DHX32: variants seen among roughly 807,000 people sequenced by gnomAD.
DHX32 encodes the protein putative pre-mRNA-splicing factor ATP-dependent RNA helicase DHX32.
In DHX32, 51 loss-of-function variants were observed where a neutral mutation model predicts 70.0. The observed-to-expected ratio is 0.73, with a 90% CI of 0.58 to 0.92. The LOEUF (loss-of-function observed/expected upper bound fraction) is 0.92, where lower values mean the gene tolerates loss of function less well. Among genes scored for constraint, DHX32 ranks in the 40% least tolerant of loss-of-function variants. DHX32 has a pLI of 0.00. For synonymous variants in DHX32, 310 were observed against 315.3 expected, an observed-to-expected ratio of 0.98 and a Z score of 0.18; for missense variants, 762 against 891.8, an observed-to-expected ratio of 0.85 and a Z score of 1.85.
At chr10:125,890,268 A>G (rs1283082988) in intron 1 of DHX32, among the ~76,000 whole-genome samples, 1 of 152,292 alleles carries the variant, frequency 6.6e-6, no homozygotes, top group Admixed American at 6.5e-5. Context: ...AATACACTTT[A>G]TCTCTCAAGC....
At chr10:125,860,987 T>C (rs1212947121) in intron 2 of DHX32, among the ~76,000 whole-genome samples, 4 of 151,728 alleles carry the variant, frequency 2.6e-5, no homozygotes, top group Admixed American at 6.6e-5. Context: ...CTCCTGACCT[T>C]GTGATCCAGC....
At chr10:125,841,652 C>T in intron 7 of DHX32, 91 bp downstream of exon 7, 1 of 1,521,234 alleles carries the variant, frequency 6.6e-7, no homozygotes. Flanking sequence ...CTGCTCTGTG[C>T]TCCTCAAAAT....
intron 2 of DHX32, among the ~76,000 whole-genome samples, chr10:125,861,074 C>T (rs914400046): frequency 1.3e-5 from 2 of 152,014 alleles, no homozygotes; most frequent in African/African-American, 2.4e-5. Context: ...GTTTTTTACC[C>T]ATTTAAGGTA....
At chr10:125,851,068 G>A (rs750435372) in intron 6 of DHX32, among the ~76,000 whole-genome samples, 17 of 152,190 alleles carry the variant, frequency 1.1e-4, no homozygotes, top group Non-Finnish European at 2.2e-4. Context: ...TCCAGATCAG[G>A]GGAATTCAAT....
chr10:125,852,189 T>A, intron 6 of DHX32, 104 bp downstream of exon 6: 1 of 1,402,544 alleles, frequency 7.1e-7, no homozygotes, highest in East Asian at 2.4e-5. Flanking sequence ...GCCCCCTCCA[T>A]GCTTGTGTGC....
chr10:125,882,750 T>C (rs535451517), upstream of DHX32, among the ~76,000 whole-genome samples: 2 of 152,324 alleles, frequency 1.3e-5, no homozygotes, highest in Non-Finnish European at 2.9e-5. Flanking sequence ...ACTGCCTCTA[T>C]AAGGTGAGAG....
At chr10:125,895,670 T>G (rs1944468551) in intron 1 of DHX32, among the ~76,000 whole-genome samples, 1 of 152,300 alleles carries the variant, frequency 6.6e-6, no homozygotes, top group Admixed American at 6.5e-5. Context: ...CTACAAAGTT[T>G]GGCCACAAAA....
At chr10:125,850,058 T>G (rs908712234) in intron 6 of DHX32, among the ~76,000 whole-genome samples, 1 of 151,446 alleles carries the variant, frequency 6.6e-6, no homozygotes, top group Non-Finnish European at 1.5e-5. Context: ...CCTTGAACCC[T>G]GGACTCAAGT....
At chr10:125,847,617 TTG>T (rs1245402354) in intron 6 of DHX32, among the ~76,000 whole-genome samples, 1 of 152,146 alleles carries the variant, frequency 6.6e-6, no homozygotes, top group Non-Finnish European at 1.5e-5. Context: ...GAGAGGATGG[TTG>T]TGAGATGATT....
At chr10:125,861,877 G>A (rs996707161) in intron 2 of DHX32, among the ~76,000 whole-genome samples, 1 of 151,880 alleles carries the variant, frequency 6.6e-6, no homozygotes. Flanking sequence ...CACTGAACCC[G>A]GGGGTAGTCT....
chr10:125,843,005 A>C (rs760926254), intron 6 of DHX32, among the ~76,000 whole-genome samples: 1 of 152,170 alleles, frequency 6.6e-6, no homozygotes, highest in Admixed American at 6.5e-5. Flanking sequence ...CAAAAACCAC[A>C]ATTATTTTTG....
intron 1 of DHX32, among the ~76,000 whole-genome samples, chr10:125,867,735 C>CA (rs1255031059): frequency 0.063 from 3,503 of 55,368 alleles, 202 homozygotes; most frequent in African/African-American, 0.17. Flanking sequence ...GACTCCGTCT[C>CA]AAAAAAAAAA....
rs527719768 is a variant in DHX32, at chr10:125,842,673, G to T, written c.1352-739C>A. 9.3e-5 allele frequency: 20 copies of T among 213,926 alleles called. No individual in the cohort carries two copies. The South Asian group carries it at 3.2e-3, about 34-fold the overall frequency. 13.3% of individuals were successfully genotyped at this position (213,926 alleles called of 1,614,324 possible). A position where few individuals can be genotyped will look rare whatever the true frequency, so the allele number is the denominator to read the frequency against. ...ACAATGTCTAGCATCCAGTAGAGAGGCATGAAAAGCAGGAAAATACATTGC... is the reference window on the plus strand; with the variant it reads ...ACAATGTCTAGCATCCAGTAGAGAGTCATGAAAAGCAGGAAAATACATTGC... On this transcript the variant is annotated intron_variant, in intron 6 of 10. Transcript: ENST00000284690.
At chr10:125,843,073 G>C (rs1025310085) in intron 6 of DHX32, among the ~76,000 whole-genome samples, 4 of 151,894 alleles carry the variant, frequency 2.6e-5, no homozygotes, top group Non-Finnish European at 4.4e-5. Context: ...TCTGGTTCCT[G>C]GTATAGCAAT....
chr10:125,854,074 T>C lies in DHX32; in HGVS notation c.979A>G (p.Lys327Glu), dbSNP rs964951476. The C allele has an allele frequency of 6.2e-7, 1 of 1,614,026 alleles. No individual in the cohort carries two copies. Among genetic ancestry groups the C allele is most frequent in the Non-Finnish European group, 8.5e-7 (1 of 1,180,022 alleles). Residue 327 changes from lysine (K) to glutamate (E), a missense_variant, in exon 4 of 11, where the codon AAA becomes GAA. By Grantham distance (56) the Lys-to-Glu change is moderately conservative. This residue lies in a region of DHX32 where 394 missense variants were observed against 473.1 expected (regional missense o/e 0.83). Coordinates refer to ENST00000284690, the MANE Select transcript of DHX32 (RefSeq NM_018180.3). ...SLFKPLDETE[K>E]RCQVYQRRVV... ...CTTCTTTGATAAACTTGGCATCTTTTTTCTGTTTCATCGAGTGGCTTGAAC... is the reference window on the plus strand; with the variant it reads ...CTTCTTTGATAAACTTGGCATCTTTCTTCTGTTTCATCGAGTGGCTTGAAC...
chr10:125,891,392 T>C (rs1347820306), intron 1 of DHX32, among the ~76,000 whole-genome samples: 2 of 152,282 alleles, frequency 1.3e-5, no homozygotes, highest in Non-Finnish European at 2.9e-5. Flanking sequence ...ATAATCATAA[T>C]CAACTTCTAA....
At chr10:125,845,623 AG>A (rs985066302) in intron 6 of DHX32, among the ~76,000 whole-genome samples, 1 of 152,178 alleles carries the variant, frequency 6.6e-6, no homozygotes, top group African/African-American at 2.4e-5. Context: ...TCCCAATAAG[AG>A]CAGAGAAGTA....
intron 1 of DHX32, among the ~76,000 whole-genome samples, chr10:125,887,110 C>T (rs572513011): frequency 6.6e-6 from 1 of 152,306 alleles, no homozygotes; most frequent in South Asian, 2.1e-4. Context: ...CTAAGGGCAA[C>T]ATCTGATTGT....
intron 1 of DHX32, among the ~76,000 whole-genome samples, chr10:125,891,681 A>G (rs2134084231): frequency 6.6e-6 from 1 of 152,428 alleles, no homozygotes; most frequent in Non-Finnish European, 1.5e-5. Context: ...AAACAATAAT[A>G]GATGAACTGT....
Sources: gnomAD v4.1 joint callset for allele counts (sites outside exome capture counted in the v4.1 genomes callset) on GRCh38, gnomAD v4.1.1 for gene constraint, gnomAD v4.1.1 regional missense constraint, MANE v1.5 for transcripts, NCBI Gene and HGNC (gene_info 2026-07-23, HGNC 2026-07-21) for gene names.